Variants in MAST4 observed in about 807,000 individuals in gnomAD.
MAST4 encodes the protein microtubule associated serine/threonine kinase family member 4, also known as microtubule-associated serine/threonine-protein kinase 4.
MAST4 carries 89 observed loss-of-function variants against 162.7 expected under a neutral mutation model. That is an observed-to-expected ratio of 0.55 (90% confidence interval 0.46 to 0.65). The LOEUF is 0.65. Ranked by LOEUF, MAST4 falls within the 30% of genes least tolerant of loss-of-function variation. The probability of loss-of-function intolerance (pLI) is 0.00; values close to 1 mark genes in which losing one functional copy is unlikely to be tolerated. For missense variants in MAST4, 3,153 were observed against 3,374.0 expected (o/e 0.93, Z 1.62); for synonymous variants, 1,479 against 1,361.1 (o/e 1.09, Z -1.91).
At chr5:66,808,791 G>T (rs999961077) in intron 3 of MAST4, among the ~76,000 whole-genome samples, 5 of 152,164 alleles carry the variant, frequency 3.3e-5, no homozygotes, top group African/African-American at 1.2e-4. Context: ...TGTTCTGGTG[G>T]AATCGTGTTC....
At chr5:67,036,042 C>G in intron 4 of MAST4, among the ~76,000 whole-genome samples, 1 of 152,110 alleles carries the variant, frequency 6.6e-6, no homozygotes, top group East Asian at 1.9e-4. Context: ...TTTTAGCATG[C>G]TTCCCAACAT....
intron 11 of MAST4, among the ~76,000 whole-genome samples, chr5:67,113,798 G>A (rs190622326): frequency 2.6e-5 from 4 of 152,248 alleles, no homozygotes; most frequent in Admixed American, 6.5e-5. Flanking sequence ...CATTGCCGAC[G>A]AGCGAGATCT....
chr5:66,659,140 T>C (rs139823348), intron 1 of MAST4, among the ~76,000 whole-genome samples: 4 of 152,302 alleles, frequency 2.6e-5, no homozygotes, highest in African/African-American at 9.6e-5. Context: ...GACAGGTTCC[T>C]GAGTGGGAAG....
intron 4 of MAST4, among the ~76,000 whole-genome samples, chr5:66,940,562 A>G (rs1318879261): frequency 6.6e-6 from 1 of 152,184 alleles, no homozygotes; most frequent in African/African-American, 2.4e-5. Flanking sequence ...CATAAGAAGC[A>G]ACTCTTCATC....
At chr5:66,970,556 C>T (rs1274169903) in intron 4 of MAST4, among the ~76,000 whole-genome samples, 1 of 152,144 alleles carries the variant, frequency 6.6e-6, no homozygotes, top group Non-Finnish European at 1.5e-5. Context: ...ATGTTCCAGG[C>T]CCAGACAGCC....
chr5:67,146,995 T>C (rs919187601), intron 23 of MAST4, among the ~76,000 whole-genome samples: 7 of 152,136 alleles, frequency 4.6e-5, no homozygotes, highest in Non-Finnish European at 7.4e-5. Flanking sequence ...CTTAATATAG[T>C]GAACTGTTTA....
chr5:66,701,879 A>G (rs115278403), intron 1 of MAST4, among the ~76,000 whole-genome samples: 2,308 of 152,296 alleles, frequency 0.015, 64 homozygotes, highest in African/African-American at 0.052. Flanking sequence ...ACTATACTCT[A>G]CCTAAAACAT....
At chr5:66,866,435 T>C (rs1331172555) in intron 3 of MAST4, among the ~76,000 whole-genome samples, 3 of 152,212 alleles carry the variant, frequency 2.0e-5, no homozygotes, top group African/African-American at 7.2e-5. Context: ...ATTTCTTTGA[T>C]GTTCATTTGG....
intron 3 of MAST4, among the ~76,000 whole-genome samples, chr5:66,892,883 C>T (rs986780498): frequency 6.6e-6 from 1 of 152,158 alleles, no homozygotes; most frequent in Non-Finnish European, 1.5e-5. Flanking sequence ...GTGTCCTGTC[C>T]AGGCAGCCAG....
At chr5:66,703,678 C>G (rs1349797268) in intron 1 of MAST4, among the ~76,000 whole-genome samples, 1 of 152,190 alleles carries the variant, frequency 6.6e-6, no homozygotes, top group Non-Finnish European at 1.5e-5. Context: ...TTGTTGCCCT[C>G]ATGCTCATTT....
chr5:66,906,904 A>G (rs564392040), intron 4 of MAST4, among the ~76,000 whole-genome samples: 87 of 152,246 alleles, frequency 5.7e-4, no homozygotes, highest in African/African-American at 1.9e-3. Context: ...ACAGAGGGAG[A>G]AAATATTGTC....
chr5:66,982,845 C>CCA (rs1363569941), intron 4 of MAST4, among the ~76,000 whole-genome samples: 9 of 152,226 alleles, frequency 5.9e-5, no homozygotes, highest in Non-Finnish European at 1.3e-4. Flanking sequence ...CAGCCTGCAA[C>CCA]CACTGTTGGA....
intron 11 of MAST4, among the ~76,000 whole-genome samples, chr5:67,112,410 A>G (rs1426159507): frequency 6.6e-6 from 1 of 152,134 alleles, no homozygotes; most frequent in Non-Finnish European, 1.5e-5. Context: ...CAGAGATAGC[A>G]TTAGATTCCA....
chr5:66,724,925 C>T (rs1484135372), intron 1 of MAST4, among the ~76,000 whole-genome samples: 1 of 151,926 alleles, frequency 6.6e-6, no homozygotes, highest in Admixed American at 6.6e-5. Flanking sequence ...AGATTAGGCT[C>T]CCTCTATAGG....
chr5:66,640,430 C>A (rs1453439742), intron 1 of MAST4, among the ~76,000 whole-genome samples: 1 of 152,054 alleles, frequency 6.6e-6, no homozygotes, highest in Non-Finnish European at 1.5e-5. Flanking sequence ...GCCTCAGCCT[C>A]CCCAGTAGCT....
At position 67,164,330 on chromosome 5, in the gene MAST4, C is replaced by T. The variant is rs1773602707; in HGVS notation, c.5151C>T (p.Cys1717=). 6.2e-7 allele frequency: 1 copy of T among 1,613,928 alleles called. No homozygotes were observed. Among genetic ancestry groups the T allele is most frequent in the African/African-American group, 1.3e-5 (1 of 75,066 alleles). ...KPKMTAGSHE[C]LPGNPVRPTG... Reference sequence around the variant, plus strand: ...AGATGACAGCTGGCTCCCACGAATGCCTGCCAGGGAACCCAGTCCGACCCA... The same window carrying T: ...AGATGACAGCTGGCTCCCACGAATGTCTGCCAGGGAACCCAGTCCGACCCA... Residue 1717 remains cysteine, a synonymous_variant, in exon 29 of 29, where the codon TGC becomes TGT. Coordinates refer to ENST00000403625, the MANE Select transcript of MAST4 (RefSeq NM_001164664.2). This position sits in a 1 kb window ranked among gnomAD's most constrained non-coding sequence, Gnocchi z 5.3.
chr5:66,751,524 A>C (rs1000329267), intron 1 of MAST4, among the ~76,000 whole-genome samples: 1 of 152,210 alleles, frequency 6.6e-6, no homozygotes, highest in Non-Finnish European at 1.5e-5. Context: ...CGATGTGATC[A>C]ACTGGAAGAA....
intron 3 of MAST4, among the ~76,000 whole-genome samples, chr5:66,885,197 G>C (rs1373263752): frequency 6.6e-6 from 1 of 152,162 alleles, no homozygotes; most frequent in African/African-American, 2.4e-5. Context: ...CATGCAGTGT[G>C]ATATGGTGCA....
intron 1 of MAST4, among the ~76,000 whole-genome samples, chr5:66,686,558 A>G (rs1433079436): frequency 6.6e-6 from 1 of 152,190 alleles, no homozygotes; most frequent in Non-Finnish European, 1.5e-5. Flanking sequence ...ATTTTTCTTC[A>G]TTAACTCTGC....
Sources: allele counts gnomAD v4.1 joint callset (sites outside exome capture counted in the v4.1 genomes callset), GRCh38; gene constraint gnomAD v4.1.1; non-coding constraint Gnocchi (gnomAD v3.1); transcripts MANE v1.5; gene names NCBI Gene and HGNC (gene_info 2026-07-23, HGNC 2026-07-21).